NR1D2: variants seen among roughly 807,000 people sequenced by gnomAD.
The protein encoded by NR1D2 is nuclear receptor subfamily 1 group D member 2, also known as V-erbA-related protein 1-related.
NR1D2 carries 25 observed loss-of-function variants against 52.2 expected under a neutral mutation model. The observed-to-expected ratio is 0.48, with a 90% CI of 0.35 to 0.67. The LOEUF is 0.67. Among genes scored for constraint, NR1D2 ranks in the 30% least tolerant of loss-of-function variants. The pLI, the probability that NR1D2 is intolerant of heterozygous loss-of-function variation, is 0.01. For synonymous variants in NR1D2, 259 were observed against 230.1 expected (o/e 1.13, Z -1.14); for missense variants, 681 against 707.2 (o/e 0.96, Z 0.42).
intron 1 of NR1D2, among the ~76,000 whole-genome samples, chr3:23,949,506 C>T (rs1045081513): frequency 6.6e-6 from 1 of 152,136 alleles, no homozygotes; most frequent in African/African-American, 2.4e-5. Context: ...TGATTTCTGC[C>T]CTCTTTAGTA....
chr3:23,945,630 G>T (rs1336653727), intron 1 of NR1D2, 36 bp downstream of exon 1: 2 of 1,166,198 alleles, frequency 1.7e-6, no homozygotes, highest in African/African-American at 1.6e-5. Context: ...GGGATGGCCG[G>T]AGGGAGCGCT....
At chr3:23,974,281 A>G (rs1191164692) in intron 7 of NR1D2, among the ~76,000 whole-genome samples, 1 of 152,028 alleles carries the variant, frequency 6.6e-6, no homozygotes, top group East Asian at 1.9e-4. Flanking sequence ...AATCAGTAAT[A>G]TAGTTGTTTA....
In NR1D2 at chr3:23,979,157, A is replaced by G. The variant is rs1000199906; in HGVS notation, c.*1738A>G. Reference sequence around the variant, plus strand: ...CTGGGACTTGATTTACTGTGGCACTAGTTAAGTAAGTTAAAAAAAAGTTAA... The same window carrying G: ...CTGGGACTTGATTTACTGTGGCACTGGTTAAGTAAGTTAAAAAAAAGTTAA... On this transcript the variant is annotated 3_prime_UTR_variant, in exon 8 of 8. Coordinates refer to ENST00000312521, the MANE Select transcript of NR1D2 (RefSeq NM_005126.5). 1.3e-5 allele frequency: 2 copies of G among 152,112 alleles called. No individual in the cohort carries two copies. Among genetic ancestry groups the G allele is most frequent in the Admixed American group, 6.5e-5 (1 of 15,268 alleles). The allele number at this position is 152,112 out of a possible 1,614,324, so 9.4% of individuals were successfully genotyped here.
chr3:23,971,630 C>T (rs1706593479), intron 7 of NR1D2, among the ~76,000 whole-genome samples: 1 of 152,010 alleles, frequency 6.6e-6, no homozygotes, highest in African/African-American at 2.4e-5. Flanking sequence ...TTTTCCCTCT[C>T]AATTTTTTTA....
At chr3:23,953,512 A>G (rs1053379263) in intron 1 of NR1D2, among the ~76,000 whole-genome samples, 1 of 152,136 alleles carries the variant, frequency 6.6e-6, no homozygotes, top group Non-Finnish European at 1.5e-5. Flanking sequence ...TAACACCTAT[A>G]AAGAGCGAGT....
Position 23,978,321 on chromosome 3 carries a change from G to C in NR1D2, c.*902G>C, listed in dbSNP as rs1283892836. 5 of 152,034 alleles carry C rather than the reference G, an allele frequency of 3.3e-5. No individual in the cohort carries two copies. Among genetic ancestry groups the C allele is most frequent in the Non-Finnish European group, 7.4e-5 (5 of 67,976 alleles). The allele number at this position is 152,034 out of a possible 1,614,324, so 9.4% of individuals were successfully genotyped here. ...TCATACAGGAAACTTAAAACAAGAG[G>C]TGTCAAAAGACCCAAATTAGGTGCA... On this transcript the variant is annotated 3_prime_UTR_variant, in exon 8 of 8. Transcript: ENST00000312521.
intron 7 of NR1D2, among the ~76,000 whole-genome samples, chr3:23,973,639 A>G (rs930978176): frequency 6.6e-5 from 10 of 152,196 alleles, no homozygotes; most frequent in Non-Finnish European, 1.0e-4. Flanking sequence ...CTGAACACGT[A>G]CGGTACACTA....
rs1575164058 is a variant in NR1D2, at chr3:23,978,886, A to G, written c.*1467A>G. 6.6e-6 allele frequency: 1 copy of G among 152,124 alleles called. No individual in the cohort carries two copies. The highest frequency in any genetic ancestry group is 2.4e-5 in the African/African-American group (1 of 41,446). The allele number at this position is 152,124 out of a possible 1,614,324, so 9.4% of individuals were successfully genotyped here. ...TCTAATAGTGGACTTGATTAAGTAG[A>G]TAAGATCAGCATCTGTTTATGGTAG... On this transcript the variant is annotated 3_prime_UTR_variant, in exon 8 of 8. Transcript: ENST00000312521.
intron 7 of NR1D2, among the ~76,000 whole-genome samples, chr3:23,969,283 G>C (rs1331228408): frequency 6.6e-6 from 1 of 151,858 alleles, no homozygotes. Flanking sequence ...GCGAGACTCC[G>C]TGTTAAAAAA....
At chr3:23,968,157 C>G in intron 7 of NR1D2, 134 bp downstream of exon 7, 1 of 661,222 alleles carries the variant, frequency 1.5e-6, no homozygotes, top group Non-Finnish European at 2.6e-6. Context: ...ATTGTATGAC[C>G]CTGTTATTTT....
chr3:23,945,593 A>G lies in NR1D2; in HGVS notation c.15A>G (p.Ala5=), dbSNP rs375475101. ...GCGAGGGCACCATGGAGGTGAATGC[A>G]GGTAAGAACCGGACTGCGGCGGGTG... MEVN[A]GGVIAYISSS... is the part of the protein sequence containing the mutation. Residue 5 remains alanine (A), a splice_region_variant and synonymous_variant, in exon 1 of 8, where the codon GCA becomes GCG. Coordinates refer to ENST00000312521, the MANE Select transcript of NR1D2 (RefSeq NM_005126.5). 9.5e-4 allele frequency: 1,097 copies of G among 1,151,542 alleles called. 1 individual carries two copies. Among genetic ancestry groups the G allele is most frequent in the Middle Eastern group, 9.2e-3 (27 of 2,932 alleles). 71.3% of individuals were successfully genotyped at this position (1,151,542 alleles called of 1,614,324 possible).
chr3:23,967,706 T>C (rs1384151987), intron 6 of NR1D2, 107 bp from the exon 7 acceptor site: 1 of 826,480 alleles, frequency 1.2e-6, no homozygotes, highest in African/African-American at 1.7e-5. Context: ...CTTTTATAAC[T>C]TTCTTTTATA....
intron 7 of NR1D2, among the ~76,000 whole-genome samples, chr3:23,971,289 A>C (rs1706581633): frequency 6.9e-6 from 1 of 145,264 alleles, no homozygotes; most frequent in Admixed American, 7.1e-5. Context: ...TATAATGCTT[A>C]TATCTCTATA....
chr3:23,974,438 C>T (rs1053723013), intron 7 of NR1D2, among the ~76,000 whole-genome samples: 2 of 152,092 alleles, frequency 1.3e-5, no homozygotes, highest in African/African-American at 4.8e-5. Context: ...TATGGGACCA[C>T]CCTTTTATAT....
At chr3:23,946,370 C>G in intron 1 of NR1D2, 6 of 887,182 alleles carry the variant, frequency 6.8e-6, no homozygotes, top group Non-Finnish European at 6.8e-6. Flanking sequence ...TGCTGCAGGC[C>G]GGAGGAGGCG....
chr3:23,954,867 C>T, intron 2 of NR1D2, 64 bp downstream of exon 2: 1 of 1,505,704 alleles, frequency 6.6e-7, no homozygotes, highest in Non-Finnish European at 9.1e-7. Context: ...ATTTTATCAG[C>T]TTTTCATTTA....
chr3:23,965,286 C>T (rs749886256), intron 6 of NR1D2, 124 bp downstream of exon 6: 1 of 724,598 alleles, frequency 1.4e-6, no homozygotes, highest in East Asian at 3.0e-5. Context: ...GTCACCCAGG[C>T]TGGAGTGCAG....
chr3:23,967,769 T>C (rs768882643), intron 6 of NR1D2, 44 bp from the exon 7 acceptor site: 4 of 1,437,078 alleles, frequency 2.8e-6, no homozygotes, highest in South Asian at 2.4e-5. Context: ...TTTTTTATTA[T>C]TGCTGTTAGA....
Position 23,978,051 on chromosome 3 carries a change from A to G in NR1D2, c.*632A>G, listed in dbSNP as rs999845244. ...AGATAGGCACTATGTAAATAAGGTA[A>G]AATTTCTGTTATTACAATTATTCAT... On this transcript the variant is annotated 3_prime_UTR_variant, in exon 8 of 8. Transcript: ENST00000312521. The G allele has an allele frequency of 6.6e-6, 1 of 152,138 alleles. No homozygotes were observed. The highest frequency in any genetic ancestry group is 1.5e-5 in the Non-Finnish European group (1 of 68,020). The allele number at this position is 152,138 out of a possible 1,614,324, so 9.4% of individuals were successfully genotyped here. A position where few individuals can be genotyped will look rare whatever the true frequency, so the allele number is the denominator to read the frequency against.
Sources: gnomAD v4.1 joint callset for allele counts (sites outside exome capture counted in the v4.1 genomes callset) on GRCh38, gnomAD v4.1.1 for gene constraint, MANE v1.5 for transcripts, NCBI Gene and HGNC (gene_info 2026-07-23, HGNC 2026-07-21) for gene names.